NCL: variants seen among roughly 807,000 people sequenced by gnomAD.
NCL encodes nucleolin multifunctional protein.
Under a neutral mutation model 77.7 loss-of-function variants are expected in NCL, and 4 were observed. The ratio of observed to expected loss-of-function variants is 0.05; its 90% CI spans 0.03 to 0.12. The LOEUF (loss-of-function observed/expected upper bound fraction) is 0.12, where lower values mean the gene tolerates loss of function less well. Among genes scored for constraint, NCL ranks in the 10% least tolerant of loss-of-function variants. The pLI is 1.00. For synonymous variants in NCL, 344 were observed against 297.8 expected, an observed-to-expected ratio of 1.16 and a Z score of -1.60; for missense variants, 763 against 860.9, an observed-to-expected ratio of 0.89 and a Z score of 1.42.
intron 7 of NCL, 88 bp from the exon 8 acceptor site, chr2:231,458,477 C>T (rs2046913161): frequency 2.8e-6 from 4 of 1,447,150 alleles, no homozygotes; most frequent in Non-Finnish European, 1.9e-6. Context: ...ACACACATAG[C>T]TCTATTCAAC....
chr2:231,464,155 T>C (rs1181917840), intron 1 of NCL, 181 bp downstream of exon 1: 1 of 1,414,472 alleles, frequency 7.1e-7, no homozygotes, highest in Non-Finnish European at 9.3e-7. Context: ...GCAGAAGCTC[T>C]TCACCTCGCC....
intron 7 of NCL, chr2:231,458,674 A>T (rs2046916277): frequency 4.3e-6 from 2 of 469,078 alleles, no homozygotes; most frequent in South Asian, 5.8e-5. Context: ...AAAACATTAC[A>T]ACTGTATATA....
Position 231,455,573 on chromosome 2 carries a change from C to A in NCL, c.1884G>T (p.Glu628Asp). The change falls in exon 13 of 14, where the codon GAG (glutamate) becomes GAT (aspartate). Residue 628 changes from glutamate (E) to aspartate (D), a missense_variant. Around this residue, in one of 2 missense-constraint regions of NCL, gnomAD observed 173 missense variants for 290.4 expected, o/e 0.60. Transcript: ENST00000322723. ...NSEEDAKAAK[E>D]AMEDGEIDGN... ...CATCAATTTCACCGTCTTCCATGGC[C>A]TCCTTGGCAGCTTTGGCATCCTCCT... is the stretch of plus-strand genomic sequence containing the variant. 6.2e-7 allele frequency: 1 copy of A among 1,614,186 alleles called. No homozygotes were observed. The highest frequency in any genetic ancestry group is 8.5e-7 in the Non-Finnish European group (1 of 1,180,048).
intron 11 of NCL, 186 bp from the exon 12 acceptor site, chr2:231,456,322 T>C (rs1034754641): frequency 3.4e-6 from 3 of 887,096 alleles, no homozygotes; most frequent in African/African-American, 3.3e-5. Flanking sequence ...TTAATTGCCA[T>C]TGCATAGTTG....
intron 2 of NCL, chr2:231,462,416 C>A: frequency 2.6e-6 from 1 of 391,352 alleles, no homozygotes; most frequent in Non-Finnish European, 5.0e-6. Flanking sequence ...CTTATTAAAT[C>A]ATTTGGGGCT....
At position 231,462,014 on chromosome 2, in the gene NCL, C is replaced by T. The variant is rs202017053; in HGVS notation, c.139G>A (p.Val47Ile). 8.7e-5 allele frequency: 141 copies of T among 1,613,738 alleles called. No homozygotes were observed. The highest frequency in any genetic ancestry group is 6.2e-5 in the Non-Finnish European group (73 of 1,180,012). The change falls in exon 3 of 14, where the codon GTC (valine) becomes ATC (isoleucine). Residue 47 changes from valine (V) to isoleucine (I), a missense_variant. Physicochemically the swap from Val to Ile is conservative, Grantham distance 29. Coordinates refer to ENST00000322723, the MANE Select transcript of NCL (RefSeq NM_005381.3). ...EEDDSSGEEV[V>I]IPQKKGKKAA... The stretch of plus-strand genomic sequence containing the variant: ...TTCTTGCCTTTCTTCTGAGGTATGA[C>T]GACCTTGAGAATAAATGAAAACCAA...
intron 9 of NCL, 55 bp downstream of exon 9, chr2:231,457,588 A>G (rs999654934): frequency 2.0e-6 from 3 of 1,470,456 alleles, no homozygotes; most frequent in Non-Finnish European, 2.8e-6. Context: ...ATACAAAGAC[A>G]CAAAGGAGTT....
Position 231,463,310 on chromosome 2 carries a change from T to C in NCL, c.25A>G (p.Lys9Glu). The C allele has an allele frequency of 1.2e-6, 2 of 1,600,772 alleles. No individual in the cohort carries two copies. Among genetic ancestry groups the C allele is most frequent in the Non-Finnish European group, 1.7e-6 (2 of 1,169,882 alleles). ...ATTTTCTTGGGGTCACCTTGATTTT[T>C]ACCTGCCTAAAATGGACACAAATAG... MVKLAKAG[K>E]NQGDPKKMAP... The change falls in exon 2 of 14, where the codon AAA becomes GAA. Residue 9 changes from lysine to glutamate, a missense_variant. By Grantham distance (56) the Lys-to-Glu change is moderately conservative. Around this residue, in one of 2 missense-constraint regions of NCL, gnomAD observed 590 missense variants for 570.5 expected, o/e 1.03. Coordinates refer to ENST00000322723, the MANE Select transcript of NCL (RefSeq NM_005381.3).
At chr2:231,456,437 G>C in intron 11 of NCL, 194 bp downstream of exon 11, 1 of 1,107,360 alleles carries the variant, frequency 9.0e-7, no homozygotes, top group Non-Finnish European at 1.4e-6. Context: ...ACTCTGAGTT[G>C]ACACAGCTGG....
chr2:231,460,640 T>G, intron 4 of NCL, 29 bp downstream of exon 4: 1 of 1,614,160 alleles, frequency 6.2e-7, no homozygotes, highest in Non-Finnish European at 8.5e-7. Flanking sequence ...ACATAACTCA[T>G]GTCGTATGTC....
At chr2:231,464,040 C>A in intron 1 of NCL, 1 of 1,107,564 alleles carries the variant, frequency 9.0e-7, no homozygotes, top group Admixed American at 3.5e-5. Context: ...CCAGCTCGTA[C>A]GCGTCGCAAA....
chr2:231,460,923 C>A, intron 3 of NCL, 57 bp from the exon 4 acceptor site: 1 of 1,332,544 alleles, frequency 7.5e-7, no homozygotes, highest in South Asian at 1.2e-5. Flanking sequence ...CATCGGTTTT[C>A]AAATCTAATG....
In NCL at chr2:231,456,620, G is replaced by A; in HGVS notation, c.1705+11C>T. The A allele has an allele frequency of 6.2e-7, 1 of 1,614,056 alleles. No homozygotes were observed. The highest frequency in any genetic ancestry group is 1.1e-5 in the South Asian group (1 of 91,062). On this transcript the variant is annotated intron_variant, in intron 11 of 13. Coordinates refer to ENST00000322723, the MANE Select transcript of NCL (RefSeq NM_005381.3). The stretch of plus-strand genomic sequence containing the variant: ...ACCCCCAACCACAGCACCCTAACCA[G>A]GTGAACTTACGGCTTCTGGCATTAG...
rs930256029 is a variant in NCL, at chr2:231,454,141, G to GT, written c.*1049dup. 2.3e-4 allele frequency: 35 copies of GT among 152,294 alleles called. No homozygotes were observed. The highest frequency in any genetic ancestry group is 4.6e-4 in the African/African-American group (19 of 41,522). 9.4% of individuals were successfully genotyped at this position (152,294 alleles called of 1,614,324 possible). ...GTGTCCACTGGTCTATCCATCTAGC[G>GT]TGAGTTCTATTCCAGAACTGCTTTT... On this transcript the variant is annotated 3_prime_UTR_variant, in exon 14 of 14. Transcript: ENST00000322723.
intron 7 of NCL, 30 bp downstream of exon 7, chr2:231,458,971 C>A (rs781197823): frequency 3.3e-6 from 5 of 1,521,588 alleles, no homozygotes; most frequent in Non-Finnish European, 4.4e-6. Flanking sequence ...CTCCTGAGTT[C>A]ATTGCATAAT....
intron 6 of NCL, among the ~76,000 whole-genome samples, chr2:231,459,532 C>T (rs1445439586): frequency 6.6e-6 from 1 of 151,896 alleles, no homozygotes; most frequent in Non-Finnish European, 1.5e-5. Flanking sequence ...ATCTGTTGCC[C>T]AGGCTGGAGT....
chr2:231,462,007 G>T lies in NCL; in HGVS notation c.146C>A (p.Pro49His), dbSNP rs900593511. 3.1e-6 allele frequency: 5 copies of T among 1,613,944 alleles called. No individual in the cohort carries two copies. Among genetic ancestry groups the T allele is most frequent in the Non-Finnish European group, 4.2e-6 (5 of 1,180,026 alleles). ...DDSSGEEVVI[P>H]QKKGKKAAAT... ...AGCAGCCTTCTTGCCTTTCTTCTGAGGTATGACGACCTTGAGAATAAATGA... is the reference window on the plus strand; with the variant it reads ...AGCAGCCTTCTTGCCTTTCTTCTGATGTATGACGACCTTGAGAATAAATGA... The change falls in exon 3 of 14, where the codon CCT (proline) becomes CAT (histidine). Residue 49 changes from proline (P) to histidine (H), a missense_variant. Around this residue, in one of 2 missense-constraint regions of NCL, gnomAD observed 590 missense variants for 570.5 expected, o/e 1.03. Coordinates refer to ENST00000322723, the MANE Select transcript of NCL (RefSeq NM_005381.3).
intron 3 of NCL, 109 bp downstream of exon 3, chr2:231,461,431 C>T (rs1384795823): frequency 2.7e-6 from 4 of 1,498,060 alleles, no homozygotes; most frequent in South Asian, 2.6e-5. Flanking sequence ...AGAATTCCCA[C>T]AAGGATTCTA....
intron 6 of NCL, among the ~76,000 whole-genome samples, chr2:231,459,418 A>G (rs1010323311): frequency 6.6e-6 from 1 of 152,188 alleles, no homozygotes; most frequent in Non-Finnish European, 1.5e-5. Flanking sequence ...AATACAGGAG[A>G]ATCCTGTCTG....
Sources: gnomAD v4.1 joint callset for allele counts (sites outside exome capture counted in the v4.1 genomes callset) on GRCh38, gnomAD v4.1.1 for gene constraint, gnomAD v4.1.1 regional missense constraint, MANE v1.5 for transcripts, NCBI Gene and HGNC (gene_info 2026-07-23, HGNC 2026-07-21) for gene names.